LARGE1: variants seen among roughly 807,000 people sequenced by gnomAD.
LARGE1 encodes the protein xylosyl- and glucuronyltransferase LARGE1.
LARGE1 carries 43 observed loss-of-function variants against 87.6 expected under a neutral mutation model. That is an observed-to-expected ratio of 0.49 (90% CI 0.38 to 0.63). The LOEUF (loss-of-function observed/expected upper bound fraction) is 0.63. LARGE1 is among the 30% of genes least tolerant of loss of function. The probability of loss-of-function intolerance (pLI) is 0.00; values close to 1 mark genes in which losing one functional copy is unlikely to be tolerated. For synonymous variants in LARGE1, 434 were observed against 394.6 expected (o/e 1.10, Z -1.18); for missense variants, 802 against 1,000.2 (o/e 0.80, Z 2.67).
intron 1 of LARGE1, among the ~76,000 whole-genome samples, chr22:33,907,627 G>A (rs2065493155): frequency 6.6e-6 from 1 of 151,826 alleles, no homozygotes; most frequent in Non-Finnish European, 1.5e-5. Context: ...TAGCGCAGTG[G>A]CGCGATCTCG....
intron 4 of LARGE1, among the ~76,000 whole-genome samples, chr22:33,622,022 G>A (rs1569319368): frequency 6.6e-6 from 1 of 152,120 alleles, no homozygotes; most frequent in African/African-American, 2.4e-5. Context: ...AGCCATACAG[G>A]GAATTGAGGC....
At chr22:33,842,660 G>A (rs2063313566) in intron 1 of LARGE1, among the ~76,000 whole-genome samples, 1 of 152,140 alleles carries the variant, frequency 6.6e-6, no homozygotes, top group South Asian at 2.1e-4. Flanking sequence ...GAAACATTCA[G>A]CCCAGCACTG....
intron 6 of LARGE1, among the ~76,000 whole-genome samples, chr22:33,547,561 C>T (rs5999005): frequency 0.12 from 17,859 of 151,732 alleles, 2,285 homozygotes; most frequent in African/African-American, 0.32. Context: ...TTTAGGAGGA[C>T]GAGGCAGGTG....
intron 2 of LARGE1, among the ~76,000 whole-genome samples, chr22:33,668,824 C>T (rs779433840): frequency 2.0e-5 from 3 of 152,180 alleles, no homozygotes; most frequent in East Asian, 3.8e-4. Context: ...TTTTAGTATA[C>T]ATTTAGCTGC....
intron 1 of LARGE1, among the ~76,000 whole-genome samples, chr22:33,806,869 G>T (rs993172744): frequency 6.6e-6 from 1 of 152,162 alleles, no homozygotes; most frequent in East Asian, 1.9e-4. Flanking sequence ...AATTAGCTGG[G>T]CATGGTGTCA....
At chr22:33,603,918 C>T (rs959244487) in intron 5 of LARGE1, among the ~76,000 whole-genome samples, 1 of 152,184 alleles carries the variant, frequency 6.6e-6, no homozygotes, top group Non-Finnish European at 1.5e-5. Flanking sequence ...TCAGCAGTGT[C>T]TTTTTAAAGC....
At chr22:33,502,681 A>C (rs1004982169) in intron 6 of LARGE1, among the ~76,000 whole-genome samples, 2 of 151,542 alleles carry the variant, frequency 1.3e-5, no homozygotes, top group African/African-American at 4.8e-5. Flanking sequence ...CCATCCTCCT[A>C]CCTCAGCCTC....
intron 11 of LARGE1, among the ~76,000 whole-genome samples, chr22:33,181,753 C>G (rs1348434951): frequency 6.6e-6 from 1 of 150,818 alleles, no homozygotes; most frequent in African/African-American, 2.4e-5. Context: ...TGGTCTGGAT[C>G]TCCTGACCTC....
At chr22:33,444,009 C>T (rs2067593652) in intron 6 of LARGE1, among the ~76,000 whole-genome samples, 1 of 152,248 alleles carries the variant, frequency 6.6e-6, no homozygotes, top group Admixed American at 6.5e-5. Flanking sequence ...CTTTTAGATA[C>T]TTCACTCACA....
intron 2 of LARGE1, among the ~76,000 whole-genome samples, chr22:33,738,844 C>CAAA (rs546110880): frequency 5.4e-5 from 4 of 74,314 alleles, no homozygotes; most frequent in East Asian, 3.8e-4. Flanking sequence ...GACTCCGTCT[C>CAAA]AAAAAAAAAA....
chr22:33,300,467 C>G (rs1933999067), intron 12 of LARGE1, among the ~76,000 whole-genome samples: 1 of 152,312 alleles, frequency 6.6e-6, no homozygotes, highest in East Asian at 1.9e-4. Flanking sequence ...CTTCAGCTGC[C>G]TGGGCTCAGG....
intron 11 of LARGE1, among the ~76,000 whole-genome samples, chr22:33,237,623 C>T (rs191364607): frequency 6.6e-6 from 1 of 152,274 alleles, no homozygotes; most frequent in Admixed American, 6.5e-5. Flanking sequence ...CTGCTCACCA[C>T]TTGTGGAAAA....
downstream of LARGE1, among the ~76,000 whole-genome samples, chr22:33,269,200 A>G (rs1928115913): frequency 6.6e-6 from 1 of 152,222 alleles, no homozygotes; most frequent in Non-Finnish European, 1.5e-5. Flanking sequence ...AATGTTAACA[A>G]ATGGTTAATC....
At position 33,893,288 on chromosome 22, in the gene LARGE1, C is replaced by A. The variant is rs1010036110; in HGVS notation, c.-83+26707G>T. Among the ~76,000 whole-genome samples, 5 of 152,320 alleles carry A rather than the reference C, an allele frequency of 3.3e-5. No homozygotes were observed. The South Asian group carries it at 8.3e-4, about 25-fold the overall frequency. On this transcript the variant is annotated intron_variant, in intron 1 of 14. Transcript: ENST00000397394. Reference sequence around the variant, plus strand: ...AGCACTGTCCCCCTTCCTCTTCCCACCACCCCAGTAAATCCTGCAGTTCCT... The same window carrying A: ...AGCACTGTCCCCCTTCCTCTTCCCAACACCCCAGTAAATCCTGCAGTTCCT...
At chr22:33,484,640 T>C (rs2069486955) in intron 6 of LARGE1, among the ~76,000 whole-genome samples, 1 of 152,194 alleles carries the variant, frequency 6.6e-6, no homozygotes, top group African/African-American at 2.4e-5. Flanking sequence ...ACTGCCTTGC[T>C]GACTTTAAGT....
At chr22:33,806,524 T>C (rs1261570129) in intron 1 of LARGE1, among the ~76,000 whole-genome samples, 3 of 152,218 alleles carry the variant, frequency 2.0e-5, no homozygotes, top group Non-Finnish European at 2.9e-5. Flanking sequence ...AGAACATGGC[T>C]GTATCATTAC....
At chr22:33,689,582 GAAGA>G (rs1220263630) in intron 2 of LARGE1, among the ~76,000 whole-genome samples, 1 of 152,128 alleles carries the variant, frequency 6.6e-6, no homozygotes, top group Non-Finnish European at 1.5e-5. Context: ...ACAGAAAGAA[GAAGA>G]GATAGGCAAA....
intron 12 of LARGE1, among the ~76,000 whole-genome samples, chr22:33,288,745 T>C (rs948818673): frequency 5.9e-5 from 9 of 152,118 alleles, no homozygotes; most frequent in South Asian, 2.1e-4. Context: ...CCAAGCTCTA[T>C]TGATGTCCTT....
intron 1 of LARGE1, among the ~76,000 whole-genome samples, chr22:33,836,002 T>G (rs1013622606): frequency 6.6e-6 from 1 of 152,202 alleles, no homozygotes; most frequent in African/African-American, 2.4e-5. Context: ...AAGCTCCAGA[T>G]TTTGCATTCA....
Sources: gnomAD v4.1 joint callset for allele counts (sites outside exome capture counted in the v4.1 genomes callset) on GRCh38, gnomAD v4.1.1 for gene constraint, MANE v1.5 for transcripts, NCBI Gene and HGNC (gene_info 2026-07-23, HGNC 2026-07-21) for gene names.